The following ADCY10 variants were observed in gnomAD, a reference collection of about 807,000 sequenced individuals.
The protein encoded by ADCY10 is adenylate cyclase type 10.
In ADCY10, 156 loss-of-function variants were observed where a neutral mutation model predicts 183.3. The ratio of observed to expected loss-of-function variants is 0.85; its 90% CI spans 0.75 to 0.97. ADCY10 has a LOEUF of 0.97. ADCY10 is among the 50% of genes least tolerant of loss of function. The pLI is 0.00. For synonymous variants in ADCY10, 645 were observed against 670.0 expected, an observed-to-expected ratio of 0.96 and a Z score of 0.58; for missense variants, 1,745 against 1,934.3, an observed-to-expected ratio of 0.90 and a Z score of 1.84.
intron 24 of ADCY10, among the ~76,000 whole-genome samples, chr1:167,833,766 T>C (rs1379552419): frequency 6.9e-6 from 1 of 143,920 alleles, no homozygotes; most frequent in East Asian, 2.0e-4. Flanking sequence ...AAAAAAAAGA[T>C]GTAAACCTGG....
intron 8 of ADCY10, among the ~76,000 whole-genome samples, chr1:167,883,915 A>T (rs1457231441): frequency 6.6e-6 from 1 of 152,240 alleles, no homozygotes; most frequent in Non-Finnish European, 1.5e-5. Flanking sequence ...TAAGGGAAAT[A>T]ACTACTGTTC....
intron 21 of ADCY10, among the ~76,000 whole-genome samples, chr1:167,841,140 T>C (rs1266014268): frequency 3.3e-5 from 5 of 152,020 alleles, no homozygotes; most frequent in Non-Finnish European, 7.4e-5. Context: ...GGAGAGTTCA[T>C]CATGCTTCTC....
intron 21 of ADCY10, among the ~76,000 whole-genome samples, chr1:167,843,121 A>G (rs204264): frequency 0.16 from 24,478 of 152,214 alleles, 2,048 homozygotes; most frequent in Middle Eastern, 0.21. Context: ...ACCAGCAGAC[A>G]TTATTCAGAG....
chr1:167,816,407 A>G (rs1662530501), intron 31 of ADCY10, among the ~76,000 whole-genome samples: 1 of 152,040 alleles, frequency 6.6e-6, no homozygotes, highest in South Asian at 2.1e-4. Context: ...TTAGTCAGGC[A>G]TGTTGGCGGG....
At position 167,903,938 on chromosome 1, in the gene ADCY10, C is replaced by T. The variant is rs369314980; in HGVS notation, c.202G>A (p.Ala68Thr). ...TTGAGGATCTCCACCAACTGCTCAG[C>T]CCCTCTGTCCATGTACATGGCACTG... ...FSSAMYMDRG[A>T]EQLVEILNYH... Residue 68 changes from alanine (A) to threonine (T), a missense_variant, in exon 3 of 33, where the codon GCT becomes ACT. Physicochemically the swap from Ala to Thr is moderately conservative, Grantham distance 58 (BLOSUM62 0). Transcript: ENST00000367851. The T allele has an allele frequency of 6.2e-7, 1 of 1,613,912 alleles. No individual in the cohort carries two copies. Among genetic ancestry groups the T allele is most frequent in the African/African-American group, 1.3e-5 (1 of 74,916 alleles).
At chr1:167,851,814 CA>C (rs58140966) in intron 18 of ADCY10, among the ~76,000 whole-genome samples, 58,173 of 128,186 alleles carry the variant, frequency 0.45, 14,122 homozygotes, top group African/African-American at 0.73. Context: ...CAGAGTGTCT[CA>C]AAAAAAAAAA....
chr1:167,883,670 T>C (rs771198460), intron 8 of ADCY10, 42 bp from the exon 9 acceptor site: 1 of 1,601,740 alleles, frequency 6.2e-7, no homozygotes, highest in Non-Finnish European at 8.6e-7. Context: ...TCCTTGGCAG[T>C]GGATCCCTCC....
intron 22 of ADCY10, 118 bp from the exon 23 acceptor site, chr1:167,836,658 A>T: frequency 1.4e-6 from 1 of 721,772 alleles, no homozygotes; most frequent in Non-Finnish European, 2.4e-6. Context: ...GGGAGGCCGA[A>T]GCTGGTGGAT....
At chr1:167,904,690 T>G in intron 2 of ADCY10, 2 of 595,032 alleles carry the variant, frequency 3.4e-6, no homozygotes, top group Non-Finnish European at 6.0e-6. Flanking sequence ...GACTGGGATG[T>G]GTATGGGGCT....
At chr1:167,818,443 G>A (rs1247791652) in intron 30 of ADCY10, 176 bp from the exon 31 acceptor site, 1 of 742,048 alleles carries the variant, frequency 1.3e-6, no homozygotes, top group Admixed American at 1.8e-5. Context: ...GTGATACAGA[G>A]CAAGGAAATA....
intron 16 of ADCY10, among the ~76,000 whole-genome samples, chr1:167,859,212 A>G (rs890563393): frequency 5.3e-5 from 8 of 152,174 alleles, no homozygotes; most frequent in African/African-American, 1.9e-4. Context: ...TGGTGTTTAT[A>G]AGAGAGGTGG....
intron 25 of ADCY10, among the ~76,000 whole-genome samples, chr1:167,831,473 C>A (rs1015490748): frequency 2.6e-5 from 4 of 152,166 alleles, no homozygotes; most frequent in African/African-American, 9.7e-5. Flanking sequence ...GTATTACAGG[C>A]GTGAGCCACA....
At chr1:167,867,635 GA>G (rs1483289134) in intron 14 of ADCY10, among the ~76,000 whole-genome samples, 1 of 152,026 alleles carries the variant, frequency 6.6e-6, no homozygotes, top group African/African-American at 2.4e-5. Flanking sequence ...ATAAATTAAG[GA>G]CTGGTCCTTT....
intron 21 of ADCY10, among the ~76,000 whole-genome samples, chr1:167,841,879 T>C (rs1372513219): frequency 1.3e-5 from 2 of 152,226 alleles, no homozygotes. Flanking sequence ...AAGCAATGCC[T>C]GGCACATAAA....
At chr1:167,873,005 G>A (rs957144021) in intron 13 of ADCY10, among the ~76,000 whole-genome samples, 2 of 151,940 alleles carry the variant, frequency 1.3e-5, no homozygotes, top group Admixed American at 6.6e-5. Flanking sequence ...GGGACGCAGA[G>A]GTTGTAGTGA....
intron 8 of ADCY10, among the ~76,000 whole-genome samples, chr1:167,885,286 T>C (rs987808689): frequency 2.0e-5 from 3 of 152,196 alleles, no homozygotes; most frequent in Non-Finnish European, 4.4e-5. Flanking sequence ...TTGATTTCTT[T>C]TCTTTTGAGT....
At chr1:167,810,669 G>T in intron 32 of ADCY10, 56 bp downstream of exon 32, 2 of 1,566,712 alleles carry the variant, frequency 1.3e-6, no homozygotes, top group Non-Finnish European at 8.8e-7. Flanking sequence ...TAGGCTTCTG[G>T]GCTTCTTTAT....
At chr1:167,815,965 G>A (rs1662504492) in intron 31 of ADCY10, among the ~76,000 whole-genome samples, 1 of 151,746 alleles carries the variant, frequency 6.6e-6, no homozygotes, top group African/African-American at 2.4e-5. Flanking sequence ...CTACAAAACT[G>A]ACAAGCTAAG....
At chr1:167,901,625 C>T in intron 5 of ADCY10, 37 bp downstream of exon 5, 2 of 1,607,404 alleles carry the variant, frequency 1.2e-6, no homozygotes, top group South Asian at 2.2e-5. Context: ...GACCCTATCC[C>T]AGCTGCCGTA....
Sources: gnomAD v4.1 joint callset for allele counts (sites outside exome capture counted in the v4.1 genomes callset) on GRCh38, gnomAD v4.1.1 for gene constraint, MANE v1.5 for transcripts, NCBI Gene and HGNC (gene_info 2026-07-23, HGNC 2026-07-21) for gene names.